Variants in PAK2 observed in about 807,000 individuals in gnomAD.
The protein encoded by PAK2 is serine/threonine-protein kinase PAK 2.
In PAK2, 21 loss-of-function variants were observed where a neutral mutation model predicts 65.9. The observed-to-expected ratio is 0.32, with a 90% confidence interval of 0.23 to 0.46. PAK2 has a LOEUF of 0.46. PAK2 is among the 20% of genes least tolerant of loss of function. PAK2 has a pLI of 1.00. For synonymous variants in PAK2, 204 were observed against 219.7 expected, an observed-to-expected ratio of 0.93 and a Z score of 0.63; for missense variants, 324 against 642.6, an observed-to-expected ratio of 0.50 and a Z score of 5.36.
At chr3:196,804,629 G>A (rs748154289) in intron 4 of PAK2, among the ~76,000 whole-genome samples, 5 of 151,904 alleles carry the variant, frequency 3.3e-5, no homozygotes, top group African/African-American at 1.2e-4. Context: ...CGCCACACCT[G>A]GCTAATTTTG....
chr3:196,817,469 G>A (rs1341207064), intron 11 of PAK2, among the ~76,000 whole-genome samples: 1 of 152,192 alleles, frequency 6.6e-6, no homozygotes, highest in East Asian at 1.9e-4. Flanking sequence ...TGCTATCTCA[G>A]CCTCCTGAGC....
intron 1 of PAK2, among the ~76,000 whole-genome samples, chr3:196,771,258 G>A (rs1402934670): frequency 6.6e-6 from 1 of 152,056 alleles, no homozygotes; most frequent in Non-Finnish European, 1.5e-5. Context: ...ATATCAAGAA[G>A]TAAGCTGACC....
At position 196,831,173 on chromosome 3, in the gene PAK2, C is replaced by A. The variant is rs988912016; in HGVS notation, c.*2768C>A. The A allele has an allele frequency of 1.3e-5, 2 of 152,228 alleles. No homozygotes were observed. Among genetic ancestry groups the A allele is most frequent in the Non-Finnish European group, 2.9e-5 (2 of 68,066 alleles). The allele number at this position is 152,228 out of a possible 1,614,324, so 9.4% of individuals were successfully genotyped here. A position where few individuals can be genotyped will look rare whatever the true frequency, so the allele number is the denominator to read the frequency against. On this transcript the variant is annotated 3_prime_UTR_variant, in exon 15 of 15. Coordinates refer to ENST00000327134, the MANE Select transcript of PAK2 (RefSeq NM_002577.4). The stretch of plus-strand genomic sequence containing the variant: ...AAAGTGCTGCAGTTACAGGCGTGAG[C>A]CACTGCACCTGGCCTCATGTTTTTT...
At chr3:196,788,997 C>T (rs760156803) in intron 2 of PAK2, among the ~76,000 whole-genome samples, 19 of 152,138 alleles carry the variant, frequency 1.2e-4, no homozygotes, top group Non-Finnish European at 2.5e-4. Context: ...ATCCTGTTTC[C>T]TGGGGAACCA....
rs545814509 is a variant in PAK2, at chr3:196,801,758, G to A, written c.188-169G>A. Among the ~76,000 whole-genome samples, 221 of 152,112 alleles carry A rather than the reference G, an allele frequency of 1.5e-3. 1 individual carries two copies. The highest frequency in any genetic ancestry group is 5.1e-3 in the African/African-American group (212 of 41,518). ...TGAGGCAGGAGGATGGCTTGAACCC[G>A]GGAAGCAGAGGTTGCAGTCAGCTGA... On this transcript the variant is annotated intron_variant, in intron 2 of 14. Transcript: ENST00000327134.
intron 1 of PAK2, among the ~76,000 whole-genome samples, chr3:196,772,639 T>A (rs1714396525): frequency 6.6e-6 from 1 of 152,198 alleles, no homozygotes; most frequent in Non-Finnish European, 1.5e-5. Context: ...ATGAGAACAC[T>A]CTTGCTTCAG....
chr3:196,824,882 T>C (rs76682795), intron 13 of PAK2, among the ~76,000 whole-genome samples: 14,300 of 151,958 alleles, frequency 0.094, 1,069 homozygotes, highest in African/African-American at 0.2. Flanking sequence ...ACTGAGGGCT[T>C]TAATTTAATA....
chr3:196,747,672 C>T (rs1321722110), intron 1 of PAK2, among the ~76,000 whole-genome samples: 1 of 151,984 alleles, frequency 6.6e-6, no homozygotes, highest in Non-Finnish European at 1.5e-5. Flanking sequence ...TATACATAAC[C>T]TATTGATTAA....
In PAK2 at chr3:196,759,498, G is replaced by GTTTTTTTTTTTT. The variant is rs71301221; in HGVS notation, c.-22+19369_-22+19380dup. 1.7e-3 allele frequency among the ~76,000 whole-genome samples: 186 copies of GTTTTTTTTTTTT among 108,128 alleles called. 15 individuals carry two copies. Among genetic ancestry groups the GTTTTTTTTTTTT allele is most frequent in the Non-Finnish European group, 2.0e-3 (111 of 55,414 alleles). The allele number at this position is 108,128 out of a possible 152,430, so 70.9% of individuals were successfully genotyped here. Reference sequence around the variant, plus strand: ...GGTATACAGTTAAGTGGTTTTTTTTGTTTTTTTTTTTTTTTTTTTTTTTTT... The same window carrying GTTTTTTTTTTTT: ...GGTATACAGTTAAGTGGTTTTTTTTGTTTTTTTTTTTTTTTTTTTTTTTTTTTTTTTTTTTTT... On this transcript the variant is annotated intron_variant, in intron 1 of 14. Coordinates refer to ENST00000327134, the MANE Select transcript of PAK2 (RefSeq NM_002577.4).
Position 196,812,257 on chromosome 3 carries a change from TG to T in PAK2, c.815del (p.Gly272AspfsTer19). On this transcript the variant is annotated frameshift_variant, in exon 9 of 15. Transcript: ENST00000327134. LOFTEE classifies it high-confidence loss of function. ...GTTTTCACTGCTACTGACGTTGCAC[TG>T]GGACAGGAGGTAGTTACTTTGTTGT... ...GTVFTATDVALGQEVAIKQIN... is the reference protein window; with the variant it reads ...GTVFTATDVAXGQEVAIKQIN... 6.3e-7 allele frequency: 1 copy of T among 1,581,870 alleles called. No individual in the cohort carries two copies. Among genetic ancestry groups the T allele is most frequent in the Non-Finnish European group, 8.7e-7 (1 of 1,150,848 alleles).
chr3:196,792,772 C>G (rs1430105694), intron 2 of PAK2, among the ~76,000 whole-genome samples: 2 of 151,656 alleles, frequency 1.3e-5, no homozygotes, highest in Non-Finnish European at 2.9e-5. Context: ...ATTTACTCTC[C>G]CTCCCAAGAC....
intron 1 of PAK2, among the ~76,000 whole-genome samples, chr3:196,778,171 T>G (rs962136525): frequency 1.2e-4 from 19 of 152,212 alleles, no homozygotes; most frequent in African/African-American, 4.3e-4. Context: ...TGTGGCCTTT[T>G]ATGGCTTTTT....
chr3:196,804,806 GAT>G (rs371990910), intron 4 of PAK2, among the ~76,000 whole-genome samples: 91,671 of 142,290 alleles, frequency 0.64, 28,650 homozygotes, highest in Admixed American at 0.66. Context: ...GTGTGTGTGT[GAT>G]ATATATATAT....
chr3:196,816,616 G>A (rs964580922), intron 11 of PAK2, among the ~76,000 whole-genome samples: 1 of 152,096 alleles, frequency 6.6e-6, no homozygotes. Flanking sequence ...TGATTGCCTG[G>A]TAAATGTATT....
At chr3:196,825,085 C>A (rs1711790742) in intron 13 of PAK2, among the ~76,000 whole-genome samples, 1 of 152,168 alleles carries the variant, frequency 6.6e-6, no homozygotes, top group Admixed American at 6.5e-5. Context: ...GCGGCTCATG[C>A]CTGTAATACC....
At chr3:196,778,208 G>A (rs953605485) in intron 1 of PAK2, among the ~76,000 whole-genome samples, 3 of 152,154 alleles carry the variant, frequency 2.0e-5, no homozygotes, top group African/African-American at 7.2e-5. Context: ...GGTCATCCAT[G>A]TTGCAGCGTG....
intron 1 of PAK2, among the ~76,000 whole-genome samples, chr3:196,746,303 G>A (rs1395986137): frequency 6.6e-6 from 1 of 152,142 alleles, no homozygotes; most frequent in Admixed American, 6.6e-5. Flanking sequence ...ACAAAAAATA[G>A]GAATGGCTTC....
Position 196,820,272 on chromosome 3 carries a change from C to T in PAK2, c.1154-99C>T. 3.6e-6 allele frequency: 2 copies of T among 553,748 alleles called. No homozygotes were observed. Among genetic ancestry groups the T allele is most frequent in the Non-Finnish European group, 3.0e-6 (1 of 331,308 alleles). 34.3% of individuals were successfully genotyped at this position (553,748 alleles called of 1,614,324 possible). A position where few individuals can be genotyped will look rare whatever the true frequency, so the allele number is the denominator to read the frequency against. On this transcript the variant is annotated intron_variant, in intron 12 of 14. Coordinates refer to ENST00000327134, the MANE Select transcript of PAK2 (RefSeq NM_002577.4). This position sits in a 1 kb window ranked among gnomAD's most constrained non-coding sequence, Gnocchi z 4.6. Reference sequence around the variant, plus strand: ...TAATGAAATCTTTAAAAACAAGAGGCCTAATAGTCAAAATATAATTAATTA... The same window carrying T: ...TAATGAAATCTTTAAAAACAAGAGGTCTAATAGTCAAAATATAATTAATTA...
chr3:196,799,920 T>TA (rs1715367791), intron 2 of PAK2, among the ~76,000 whole-genome samples: 1 of 152,240 alleles, frequency 6.6e-6, no homozygotes, highest in Non-Finnish European at 1.5e-5. Context: ...AGCCAGCTTC[T>TA]AATGTTTATA....
Sources: allele counts gnomAD v4.1 joint callset (sites outside exome capture counted in the v4.1 genomes callset), GRCh38; gene constraint gnomAD v4.1.1; non-coding constraint Gnocchi (gnomAD v3.1); transcripts MANE v1.5; gene names NCBI Gene and HGNC (gene_info 2026-07-23, HGNC 2026-07-21).